Variants in VPS13D observed in about 807,000 individuals in gnomAD.
VPS13D encodes intermembrane lipid transfer protein VPS13D.
VPS13D carries 187 observed loss-of-function variants against 461.9 expected under a neutral mutation model. The observed-to-expected ratio is 0.40, with a 90% CI of 0.36 to 0.46. The LOEUF (loss-of-function observed/expected upper bound fraction) is 0.46. Ranked by LOEUF, VPS13D falls within the 20% of genes least tolerant of loss-of-function variation. The probability of loss-of-function intolerance (pLI) is 0.60; values close to 1 mark genes in which losing one functional copy is unlikely to be tolerated. For missense variants in VPS13D, 4,711 were observed against 5,364.9 expected (o/e 0.88, Z 3.81); for synonymous variants, 1,951 against 1,986.3 (o/e 0.98, Z 0.47).
At chr1:12,435,752 T>C (rs533693187) in intron 65 of VPS13D, among the ~76,000 whole-genome samples, 1 of 151,814 alleles carries the variant, frequency 6.6e-6, no homozygotes, top group South Asian at 2.1e-4. Context: ...TGCGATATAT[T>C]TGCAGGGATT....
Position 12,283,378 on chromosome 1 carries a change from C to T in VPS13D, c.5276C>T (p.Pro1759Leu), listed in dbSNP as rs1480730797. 1.2e-6 allele frequency: 2 copies of T among 1,614,118 alleles called. No homozygotes were observed. The highest frequency in any genetic ancestry group is 1.6e-4 in the Middle Eastern group (1 of 6,062). Reference protein sequence around the residue: ...KQKEVQDKDYPLTPPPSPTVD... With the variant: ...KQKEVQDKDYLLTPPPSPTVD... ...AAGGAAGTCCAAGACAAGGACTATC[C>T]CTTGACCCCACCTCCTTCTCCAACA... The change falls in exon 21 of 70, where the codon CCC becomes CTC. Residue 1759 changes from proline (P) to leucine (L), a missense_variant. This residue lies in a region of VPS13D where 4,411 missense variants were observed against 4,937.8 expected (regional missense o/e 0.89). Coordinates refer to ENST00000620676, the MANE Select transcript of VPS13D (RefSeq NM_015378.4).
chr1:12,331,216 G>A (rs1643323688), intron 37 of VPS13D, among the ~76,000 whole-genome samples: 1 of 152,172 alleles, frequency 6.6e-6, no homozygotes, highest in Non-Finnish European at 1.5e-5. Flanking sequence ...ATTGGTAGTA[G>A]GCATGGACAG....
intron 38 of VPS13D, among the ~76,000 whole-genome samples, chr1:12,335,102 A>C (rs555490461): frequency 6.6e-6 from 1 of 152,290 alleles, no homozygotes; most frequent in East Asian, 1.9e-4. Flanking sequence ...TTGTCTGCTG[A>C]ATTTCAGCCT....
chr1:12,367,476 T>C (rs1315090422), intron 52 of VPS13D, among the ~76,000 whole-genome samples: 1 of 152,222 alleles, frequency 6.6e-6, no homozygotes, highest in Non-Finnish European at 1.5e-5. Flanking sequence ...ACAAAGTGAA[T>C]ATTCTGTTTC....
Position 12,238,862 on chromosome 1 carries a change from G to A in VPS13D, c.98-3651G>A, listed in dbSNP as rs1640253152. Among the ~76,000 whole-genome samples the A allele has an allele frequency of 2.0e-5, 3 of 151,698 alleles. No individual in the cohort carries two copies. In the South Asian group the frequency reaches 6.2e-4, roughly 32 times the overall value. On this transcript the variant is annotated intron_variant, in intron 2 of 69. Coordinates refer to ENST00000620676, the MANE Select transcript of VPS13D (RefSeq NM_015378.4). ...GTTGCCTAGGCTGGTCTGAAACTCT[G>A]GGCTCAAATGATGCTCCTGCTTGGC...
intron 42 of VPS13D, among the ~76,000 whole-genome samples, chr1:12,343,422 G>A (rs1399172470): frequency 6.6e-6 from 1 of 151,888 alleles, no homozygotes; most frequent in African/African-American, 2.4e-5. Context: ...GATCCGCTTC[G>A]GCTTCCCAAA....
intron 47 of VPS13D, 149 bp from the exon 48 acceptor site, chr1:12,355,750 G>A (rs919833084): frequency 2.6e-5 from 20 of 769,158 alleles, no homozygotes; most frequent in Non-Finnish European, 3.9e-5. Context: ...CCCTACCCTA[G>A]CTAGAGAGAA....
intron 43 of VPS13D, 34 bp from the exon 44 acceptor site, chr1:12,346,571 C>G: frequency 6.2e-7 from 1 of 1,605,944 alleles, no homozygotes; most frequent in Non-Finnish European, 8.5e-7. Context: ...TATCTTAAGT[C>G]TGTGCTGACT....
Position 12,288,305 on chromosome 1 carries a change from A to G in VPS13D, c.5717A>G (p.Glu1906Gly). The G allele has an allele frequency of 6.2e-7, 1 of 1,614,116 alleles. No homozygotes were observed. Among genetic ancestry groups the G allele is most frequent in the Non-Finnish European group, 8.5e-7 (1 of 1,179,948 alleles). Reference protein sequence around the residue: ...ANVSKLVAHLEMIEGDLALQG... With the variant: ...ANVSKLVAHLGMIEGDLALQG... ...GTGTCCAAATTAGTAGCACACCTGG[A>G]AATGATTGGTAAGTGGTGGGGGGTG... Residue 1906 changes from glutamate (E) to glycine (G), a missense_variant, in exon 22 of 70, where the codon GAA (glutamate) becomes GGA (glycine). Around this residue, in one of 3 missense-constraint regions of VPS13D, gnomAD observed 4,411 missense variants for 4,937.8 expected, o/e 0.89. Transcript: ENST00000620676.
chr1:12,324,550 C>T (rs1281416342), intron 35 of VPS13D, among the ~76,000 whole-genome samples: 1 of 152,146 alleles, frequency 6.6e-6, no homozygotes, highest in Non-Finnish European at 1.5e-5. Flanking sequence ...CAGATCCTTA[C>T]TGTCTGCCAC....
At chr1:12,463,036 G>A (rs1431142228) in intron 67 of VPS13D, among the ~76,000 whole-genome samples, 1 of 151,730 alleles carries the variant, frequency 6.6e-6, no homozygotes, top group African/African-American at 2.4e-5. Flanking sequence ...TTAACTGCAA[G>A]TTCCAACTTT....
chr1:12,353,757 A>G (rs1161769315), intron 46 of VPS13D, among the ~76,000 whole-genome samples: 1 of 152,114 alleles, frequency 6.6e-6, no homozygotes, highest in Non-Finnish European at 1.5e-5. Flanking sequence ...GTGTTTATAG[A>G]GGTGTGTATA....
intron 50 of VPS13D, 129 bp downstream of exon 50, chr1:12,358,730 G>A: frequency 8.3e-7 from 1 of 1,205,578 alleles, no homozygotes; most frequent in Non-Finnish European, 1.1e-6. Context: ...ATTGGGTCAG[G>A]TATCTGTTCT....
At position 12,460,391 on chromosome 1, in the gene VPS13D, C is replaced by T; in HGVS notation, c.12657C>T (p.Gly4219=). Residue 4219 remains glycine (G), a synonymous_variant, in exon 67 of 70, where the codon GGC becomes GGT. Transcript: ENST00000620676. The stretch of plus-strand genomic sequence containing the variant: ...TGAGAGACACAGCCACACTCAGCGG[C>T]CCCAGGTCAGTGGTGTGGGAAGAAT... ...QAVRDTATLS[G]PRTQAQRVRK... is the part of the protein sequence containing the mutation. 6.3e-7 allele frequency: 1 copy of T among 1,592,176 alleles called. No individual in the cohort carries two copies. The highest frequency in any genetic ancestry group is 8.6e-7 in the Non-Finnish European group (1 of 1,168,624).
intron 36 of VPS13D, among the ~76,000 whole-genome samples, chr1:12,328,725 A>G (rs1414622798): frequency 6.6e-6 from 1 of 152,038 alleles, no homozygotes; most frequent in Non-Finnish European, 1.5e-5. Flanking sequence ...TTTTTAGTAG[A>G]GACAGGGTTT....
intron 67 of VPS13D, among the ~76,000 whole-genome samples, chr1:12,471,291 A>C (rs1199996262): frequency 6.6e-6 from 1 of 152,038 alleles, no homozygotes; most frequent in African/African-American, 2.4e-5. Flanking sequence ...ACAGAGTAAG[A>C]CTCTGTCTCA....
At chr1:12,393,761 C>T (rs190317174) in intron 60 of VPS13D, among the ~76,000 whole-genome samples, 3 of 152,326 alleles carry the variant, frequency 2.0e-5, no homozygotes, top group African/African-American at 7.2e-5. Flanking sequence ...TACTAGCCCT[C>T]ACCCTACCAG....
chr1:12,361,407 T>TTTATTTA, intron 50 of VPS13D, among the ~76,000 whole-genome samples: 1 of 145,478 alleles, frequency 6.9e-6, no homozygotes, highest in East Asian at 2.0e-4. Context: ...TTATTTATTT[T>TTTATTTA]TTTTTTGAGA....
chr1:12,393,615 G>T (rs1644457294), intron 60 of VPS13D, among the ~76,000 whole-genome samples: 1 of 152,186 alleles, frequency 6.6e-6, no homozygotes, highest in Non-Finnish European at 1.5e-5. Flanking sequence ...ACAAGGATGT[G>T]GTGGGAATCA....
Sources: allele counts gnomAD v4.1 joint callset (sites outside exome capture counted in the v4.1 genomes callset), GRCh38; gene constraint gnomAD v4.1.1; regional missense constraint gnomAD v4.1.1; transcripts MANE v1.5; gene names NCBI Gene and HGNC (gene_info 2026-07-23, HGNC 2026-07-21).